The following UTRN variants were observed in gnomAD, a reference collection of about 807,000 sequenced individuals.
The protein encoded by UTRN is utrophin.
Under a neutral mutation model 463.9 loss-of-function variants are expected in UTRN, and 283 were observed. The observed-to-expected ratio is 0.61, with a 90% CI of 0.55 to 0.67. The LOEUF is 0.67. UTRN is among the 30% of genes least tolerant of loss of function. The probability of loss-of-function intolerance (pLI) is 0.00; values close to 1 mark genes in which losing one functional copy is unlikely to be tolerated. For synonymous variants in UTRN, 1,442 were observed against 1,431.5 expected (o/e 1.01, Z -0.17); for missense variants, 3,922 against 4,084.3 (o/e 0.96, Z 1.08).
At chr6:144,501,635 T>G (rs1010640597) in intron 34 of UTRN, among the ~76,000 whole-genome samples, 1 of 152,202 alleles carries the variant, frequency 6.6e-6, no homozygotes, top group African/African-American at 2.4e-5. Flanking sequence ...ATTTTTTTAT[T>G]TTCTCATTTC....
intron 53 of UTRN, 104 bp downstream of exon 53, chr6:144,700,347 G>T (rs1784453604): frequency 1.6e-6 from 2 of 1,275,824 alleles, no homozygotes; most frequent in African/African-American, 2.0e-5. Context: ...ATTATCACAG[G>T]ATTCCCCCCC....
At chr6:144,354,776 G>T (rs1176365061) in intron 2 of UTRN, among the ~76,000 whole-genome samples, 1 of 151,990 alleles carries the variant, frequency 6.6e-6, no homozygotes, top group Admixed American at 6.6e-5. Context: ...CTCCTTCCCT[G>T]CTTGGATTAA....
intron 57 of UTRN, among the ~76,000 whole-genome samples, chr6:144,755,781 A>T (rs566204491): frequency 1.1e-3 from 167 of 152,286 alleles, no homozygotes; most frequent in Middle Eastern, 3.4e-3. Context: ...CTATAACCAT[A>T]GAAACAGCTA....
Position 144,436,138 on chromosome 6 carries a change from A to AG in UTRN, c.1059+1dup. The stretch of plus-strand genomic sequence containing the variant: ...TCAAAGACCAGTTTGCAACCCATGA[A>AG]GTAAATATCTGTAGTTTCTTAGCAG... On this transcript the variant is annotated frameshift_variant and splice_region_variant. Transcript: ENST00000367545. LOFTEE classifies it high-confidence loss of function. 5 of 1,612,758 alleles carry AG rather than the reference A, an allele frequency of 3.1e-6. No homozygotes were observed. Among genetic ancestry groups the AG allele is most frequent in the Non-Finnish European group, 4.2e-6 (5 of 1,179,622 alleles).
intron 2 of UTRN, chr6:144,398,265 A>T (rs1187417664): frequency 3.0e-5 from 8 of 268,210 alleles, no homozygotes; most frequent in Non-Finnish European, 5.3e-5. Flanking sequence ...GAGTTTCTTA[A>T]CAACCATCAT....
At chr6:144,304,902 C>T (rs1805575661) in intron 2 of UTRN, among the ~76,000 whole-genome samples, 1 of 150,956 alleles carries the variant, frequency 6.6e-6, no homozygotes, top group South Asian at 2.1e-4. Flanking sequence ...CTCGTGCCCT[C>T]ATTTGAAATT....
At chr6:144,325,071 C>T (rs1775893343) in intron 2 of UTRN, among the ~76,000 whole-genome samples, 1 of 152,176 alleles carries the variant, frequency 6.6e-6, no homozygotes, top group East Asian at 1.9e-4. Context: ...AACTTGGGAT[C>T]CTTAGCCCAG....
At chr6:144,394,035 T>C (rs59256092) in intron 2 of UTRN, among the ~76,000 whole-genome samples, 6,001 of 152,202 alleles carry the variant, frequency 0.039, 367 homozygotes, top group African/African-American at 0.13. Context: ...TCTCAAGGTG[T>C]TGTATGGGCT....
intron 37 of UTRN, among the ~76,000 whole-genome samples, 189 bp from the exon 38 acceptor site, chr6:144,516,040 C>A (rs563211573): frequency 1.3e-5 from 2 of 152,128 alleles, no homozygotes; most frequent in Non-Finnish European, 2.9e-5. Context: ...TTGGAGAAAA[C>A]GGGTCATTCA....
intron 51 of UTRN, among the ~76,000 whole-genome samples, chr6:144,652,864 A>G (rs1426068826): frequency 2.0e-5 from 3 of 152,212 alleles, no homozygotes; most frequent in Admixed American, 1.3e-4. Flanking sequence ...GTGTTAGACC[A>G]TCTGGCACCT....
intron 2 of UTRN, among the ~76,000 whole-genome samples, chr6:144,392,114 A>G (rs984592912): frequency 6.6e-6 from 1 of 152,240 alleles, no homozygotes; most frequent in Admixed American, 6.5e-5. Flanking sequence ...AAAAGACTAT[A>G]AAATATATTT....
intron 51 of UTRN, among the ~76,000 whole-genome samples, chr6:144,590,571 G>A (rs1802937213): frequency 6.6e-6 from 1 of 152,136 alleles, no homozygotes; most frequent in Non-Finnish European, 1.5e-5. Flanking sequence ...CAAAGAACAT[G>A]TATTGAATGG....
At chr6:144,722,718 C>T (rs1321233261) in intron 53 of UTRN, among the ~76,000 whole-genome samples, 3 of 151,976 alleles carry the variant, frequency 2.0e-5, no homozygotes. Context: ...ATTTCAGATA[C>T]TAAATAAACA....
rs1270177674 is a variant in UTRN, at chr6:144,438,833, A to T, written c.1330A>T (p.Met444Leu). ...ACTCACAGAGGAGCGCATTCAGAAG[A>T]TGGAAACTTGCCCCCTGGATGATGA... Reference protein sequence around the residue: ...LTLTEERIQKMETCPLDDDVK... With the variant: ...LTLTEERIQKLETCPLDDDVK... Residue 444 changes from methionine (M) to leucine (L), a missense_variant, in exon 12 of 75, where the codon ATG becomes TTG. Met to Leu is a conservative substitution (Grantham distance 15). Around this residue, in one of 3 missense-constraint regions of UTRN, gnomAD observed 2,349 missense variants for 2,303.8 expected, o/e 1.02. Transcript: ENST00000367545. The T allele has an allele frequency of 1.9e-6, 3 of 1,614,116 alleles. No homozygotes were observed. The Admixed American group carries it at 5.0e-5, about 27-fold the overall frequency.
chr6:144,390,706 A>G (rs1313865713), intron 2 of UTRN, among the ~76,000 whole-genome samples: 1 of 152,154 alleles, frequency 6.6e-6, no homozygotes, highest in African/African-American at 2.4e-5. Context: ...GTAATTCAAG[A>G]TCTAGCTCAA....
intron 3 of UTRN, among the ~76,000 whole-genome samples, chr6:144,405,347 A>G (rs190745128): frequency 1.3e-5 from 2 of 152,238 alleles, no homozygotes; most frequent in Admixed American, 1.3e-4. Flanking sequence ...ATTGCTTCCA[A>G]TTGGGGATAG....
At chr6:144,653,042 C>T (rs1489440558) in intron 51 of UTRN, among the ~76,000 whole-genome samples, 2 of 150,764 alleles carry the variant, frequency 1.3e-5, no homozygotes, top group Non-Finnish European at 3.0e-5. Flanking sequence ...AATAGAAACA[C>T]AGGCTGTGGT....
intron 59 of UTRN, 48 bp downstream of exon 59, chr6:144,772,016 GTTTTTTTTTTTTTTTTTTTTTT>G (rs748399313): frequency 3.7e-4 from 47 of 127,580 alleles, no homozygotes; most frequent in Middle Eastern, 2.2e-3. Context: ...CTGAGAACCG[GTTTTTTTTTTTTTTTTTTTTTT>G]TTTTTTTTTT....
intron 2 of UTRN, among the ~76,000 whole-genome samples, chr6:144,322,080 C>G (rs1012016474): frequency 6.6e-6 from 1 of 152,172 alleles, no homozygotes; most frequent in African/African-American, 2.4e-5. Context: ...AATCACTACC[C>G]TGGAGTAGTT....
Sources: allele counts gnomAD v4.1 joint callset (sites outside exome capture counted in the v4.1 genomes callset), GRCh38; gene constraint gnomAD v4.1.1; regional missense constraint gnomAD v4.1.1; transcripts MANE v1.5; gene names NCBI Gene and HGNC (gene_info 2026-07-23, HGNC 2026-07-21).